Variants in RAB38 observed in about 807,000 individuals in gnomAD.
The protein encoded by RAB38 is ras-related protein Rab-38.
RAB38 carries 15 observed loss-of-function variants against 18.4 expected under a neutral mutation model. That is an observed-to-expected ratio of 0.82 (90% CI 0.55 to 1.26). RAB38 has a LOEUF of 1.26. Among genes scored for constraint, RAB38 ranks in the 50% most tolerant of loss-of-function variants. RAB38 has a pLI of 0.00. For missense variants in RAB38, 294 were observed against 267.4 expected, an observed-to-expected ratio of 1.10 and a Z score of -0.69; for synonymous variants, 101 against 104.4, an observed-to-expected ratio of 0.97 and a Z score of 0.20.
the RAB38 span, among the ~76,000 whole-genome samples, chr11:88,095,713 C>T: frequency 6.6e-6 from 1 of 151,878 alleles, no homozygotes; most frequent in Non-Finnish European, 1.5e-5. Context: ...ATATGTCCAA[C>T]TACCTATCTC....
At chr11:88,150,622 T>C (rs1943051958) in intron 1 of RAB38, among the ~76,000 whole-genome samples, 1 of 152,204 alleles carries the variant, frequency 6.6e-6, no homozygotes, top group African/African-American at 2.4e-5. Context: ...GAAATGTGAT[T>C]TACATAAGTG....
intron 1 of RAB38, among the ~76,000 whole-genome samples, chr11:88,157,511 GA>G (rs1943140600): frequency 6.6e-6 from 1 of 152,108 alleles, no homozygotes; most frequent in South Asian, 2.1e-4. Context: ...GACATCTACG[GA>G]ATACTCTACC....
the RAB38 span, among the ~76,000 whole-genome samples, chr11:88,082,861 TA>T: frequency 6.6e-6 from 1 of 151,892 alleles, no homozygotes; most frequent in East Asian, 1.9e-4. Context: ...TAAATCAGAT[TA>T]TTTAACTTTT....
intron 1 of RAB38, among the ~76,000 whole-genome samples, chr11:88,164,632 C>T (rs1943227507): frequency 6.8e-6 from 1 of 147,496 alleles, no homozygotes; most frequent in South Asian, 2.1e-4. Flanking sequence ...TTTATGCGTT[C>T]TCTTTTTTTT....
the RAB38 span, among the ~76,000 whole-genome samples, chr11:88,083,580 C>A: frequency 6.6e-6 from 1 of 151,798 alleles, no homozygotes; most frequent in South Asian, 2.1e-4. Flanking sequence ...TTGAATGTGT[C>A]CCTTTCAAAA....
At chr11:87,966,855 G>T in the RAB38 span, among the ~76,000 whole-genome samples, 1 of 152,174 alleles carries the variant, frequency 6.6e-6, no homozygotes, top group Non-Finnish European at 1.5e-5. Flanking sequence ...GTGCTGTGAT[G>T]ATCATGCATG....
chr11:87,876,918 A>C, the RAB38 span, among the ~76,000 whole-genome samples: 3 of 151,624 alleles, frequency 2.0e-5, no homozygotes, highest in South Asian at 6.2e-4. Context: ...CACATAATAT[A>C]GTTTCAGTAG....
At chr11:88,154,859 T>C (rs1253549176) in intron 1 of RAB38, among the ~76,000 whole-genome samples, 2 of 152,160 alleles carry the variant, frequency 1.3e-5, no homozygotes, top group African/African-American at 4.8e-5. Context: ...AAAAAGGTAC[T>C]CTCTGCTCCA....
At chr11:88,142,120 G>C (rs1055946684) in intron 2 of RAB38, among the ~76,000 whole-genome samples, 8 of 152,198 alleles carry the variant, frequency 5.3e-5, no homozygotes, top group African/African-American at 1.9e-4. Flanking sequence ...ACTAGACTCA[G>C]CTCTAGGGTC....
the RAB38 span, among the ~76,000 whole-genome samples, chr11:87,923,621 A>AT: frequency 6.6e-6 from 1 of 151,660 alleles, no homozygotes; most frequent in Non-Finnish European, 1.5e-5. Flanking sequence ...ATGCAGATAC[A>AT]TTTTTTAAAA....
chr11:88,097,103 ACT>A, the RAB38 span, among the ~76,000 whole-genome samples: 1 of 151,838 alleles, frequency 6.6e-6, no homozygotes, highest in Non-Finnish European at 1.5e-5. Flanking sequence ...CAAATACTGG[ACT>A]CTCTAAATTA....
chr11:88,112,771 T>TCAA (rs577913993), downstream of RAB38, among the ~76,000 whole-genome samples: 7 of 149,236 alleles, frequency 4.7e-5, no homozygotes, highest in Non-Finnish European at 7.4e-5. Flanking sequence ...AGACTCCGTC[T>TCAA]CAACAACAAC....
At chr11:87,959,786 A>C in the RAB38 span, among the ~76,000 whole-genome samples, 2 of 152,184 alleles carry the variant, frequency 1.3e-5, no homozygotes, top group Admixed American at 6.6e-5. Context: ...GATGAGCCCA[A>C]GTCAACTATA....
the RAB38 span, among the ~76,000 whole-genome samples, chr11:87,923,546 TCTG>T: frequency 8.0e-6 from 1 of 124,298 alleles, no homozygotes; most frequent in Non-Finnish European, 1.7e-5. Flanking sequence ...GTCAATTAAT[TCTG>T]TGTGTGTGTG....
At chr11:87,940,335 C>G in the RAB38 span, among the ~76,000 whole-genome samples, 37 of 152,106 alleles carry the variant, frequency 2.4e-4, no homozygotes, top group Non-Finnish European at 5.0e-4. Context: ...ACTCATCTCT[C>G]TTTGCCCAGA....
chr11:88,038,026 T>G, the RAB38 span, among the ~76,000 whole-genome samples: 9 of 152,178 alleles, frequency 5.9e-5, no homozygotes, highest in Non-Finnish European at 1.2e-4. Context: ...TCTATGTATA[T>G]AGAGAAAATA....
the RAB38 span, among the ~76,000 whole-genome samples, chr11:87,826,439 G>GCAT: frequency 6.6e-6 from 1 of 151,958 alleles, no homozygotes; most frequent in African/African-American, 2.4e-5. Context: ...TTACTTAAAA[G>GCAT]CATATGGTGA....
the RAB38 span, among the ~76,000 whole-genome samples, chr11:88,056,715 A>T: frequency 6.6e-6 from 1 of 152,116 alleles, no homozygotes; most frequent in Non-Finnish European, 1.5e-5. Flanking sequence ...GAGGCAGGAG[A>T]ATGGCGTGAA....
chr11:88,133,544 AC>A (rs1942792322), intron 2 of RAB38, among the ~76,000 whole-genome samples: 1 of 152,098 alleles, frequency 6.6e-6, no homozygotes, highest in Non-Finnish European at 1.5e-5. Flanking sequence ...CACCCTAGAC[AC>A]CTCTGACCCA....
Sources: gnomAD v4.1 joint callset for allele counts (sites outside exome capture counted in the v4.1 genomes callset) on GRCh38, gnomAD v4.1.1 for gene constraint, MANE v1.5 for transcripts, NCBI Gene and HGNC (gene_info 2026-07-23, HGNC 2026-07-21) for gene names.